Variants in RUSF1 observed in about 807,000 individuals in gnomAD.
RUSF1 encodes the protein RUS family member 1.
A neutral mutation model predicts 63.0 loss-of-function variants in RUSF1; 58 were observed. The ratio of observed to expected loss-of-function variants is 0.92; its 90% CI spans 0.75 to 1.15. RUSF1 has a LOEUF of 1.15. Among genes scored for constraint, RUSF1 ranks in the 50% most tolerant of loss-of-function variants. RUSF1 has a pLI of 0.00. For synonymous variants in RUSF1, 274 were observed against 255.8 expected (o/e 1.07, Z -0.68); for missense variants, 652 against 611.0 (o/e 1.07, Z -0.71).
At position 31,496,870 on chromosome 16, in the gene RUSF1, C is replaced by T. The variant is rs1372438368; in HGVS notation, c.681G>A (p.Val227=). ...TCACCTGGCTGCTGTCCTTGGCTGA[C>T]ACGTCAGCCATGTTGTTCCTCCGAG... ...HQARRNNMAD[V]SAKDSSQETL... is the part of the protein sequence containing the mutation. Residue 227 remains valine (V), a synonymous_variant, in exon 6 of 13, where the codon GTG becomes GTA. Transcript: ENST00000327237. The T allele has an allele frequency of 2.5e-6, 4 of 1,603,086 alleles. No homozygotes were observed. Among genetic ancestry groups the T allele is most frequent in the Non-Finnish European group, 2.6e-6 (3 of 1,175,392 alleles).
At chr16:31,504,748 AG>A (rs1345479131) in intron 2 of RUSF1, among the ~76,000 whole-genome samples, 1 of 152,244 alleles carries the variant, frequency 6.6e-6, no homozygotes, top group African/African-American at 2.4e-5. Context: ...GTAGAAGAGG[AG>A]GACATAAGAA....
Position 31,490,481 on chromosome 16 carries a change from C to G in RUSF1, c.*354G>C, listed in dbSNP as rs774392134. ...CGAGCTGGGCCCGTGTGGTCAACCT[C>G]AATGCCCTGCTCATGATGGCAGTGG... On this transcript the variant is annotated 3_prime_UTR_variant, in exon 13 of 13. Coordinates refer to ENST00000327237, the MANE Select transcript of RUSF1 (RefSeq NM_022744.4). 6.2e-7 allele frequency: 1 copy of G among 1,614,022 alleles called. No individual in the cohort carries two copies. Among genetic ancestry groups the G allele is most frequent in the Admixed American group, 1.7e-5 (1 of 60,006 alleles).
At position 31,499,291 on chromosome 16, in the gene RUSF1, C is replaced by T. The variant is rs368722802; in HGVS notation, c.600+11G>A. The T allele has an allele frequency of 7.5e-6, 12 of 1,609,518 alleles. No individual in the cohort carries two copies. The African/African-American group carries it at 1.3e-4, about 18-fold the overall frequency. On this transcript the variant is annotated intron_variant, in intron 5 of 12. Transcript: ENST00000327237. The stretch of plus-strand genomic sequence containing the variant: ...TGTTTTAGGCAGATGGGTGCCCCCA[C>T]AGGCAGCTACCTTGGCTAGGTTGCT...
At chr16:31,502,833 T>C (rs1274811575) in intron 2 of RUSF1, among the ~76,000 whole-genome samples, 1 of 152,278 alleles carries the variant, frequency 6.6e-6, no homozygotes, top group East Asian at 1.9e-4. Context: ...TTTCACCATG[T>C]TGGCCAGGCC....
In RUSF1 at chr16:31,495,925, TG is replaced by T. The variant is rs368069029; in HGVS notation, c.702+923del. Among the ~76,000 whole-genome samples, 297 of 152,282 alleles carry T rather than the reference TG, an allele frequency of 2.0e-3. 1 individual carries two copies. The highest frequency in any genetic ancestry group is 7.0e-3 in the African/African-American group (289 of 41,548). On this transcript the variant is annotated intron_variant, in intron 6 of 12. Transcript: ENST00000327237. ...GGGTTAAGATTATTGAGCCAAACAA[TG>T]GAAGAGAAGGCCAGAAAGTAGGAAT...
intron 2 of RUSF1, among the ~76,000 whole-genome samples, chr16:31,506,877 C>T (rs1596632687): frequency 6.6e-6 from 1 of 152,120 alleles, no homozygotes; most frequent in African/African-American, 2.4e-5. Flanking sequence ...GCGTGAGCCA[C>T]CGTGCCCGGC....
chr16:31,493,445 C>T (rs139207361), intron 9 of RUSF1, 22 bp downstream of exon 9: 322 of 1,581,786 alleles, frequency 2.0e-4, no homozygotes, highest in Non-Finnish European at 2.5e-4. Context: ...TGGTGACGAG[C>T]GGGAGACGCT....
chr16:31,499,666 C>T (rs748264603), intron 3 of RUSF1, 141 bp from the exon 4 acceptor site: 8 of 736,564 alleles, frequency 1.1e-5, no homozygotes, highest in Admixed American at 3.0e-5. Context: ...TCCCCACAGC[C>T]GGTCACTGCT....
intron 12 of RUSF1, 93 bp downstream of exon 12, chr16:31,491,916 T>C (rs2082571266): frequency 7.4e-7 from 1 of 1,354,436 alleles, no homozygotes. Flanking sequence ...CCAAGTCTTT[T>C]ACCTTTCAGG....
Position 31,493,731 on chromosome 16 carries a change from C to A in RUSF1, c.830G>T (p.Arg277Leu). Residue 277 changes from arginine to leucine, a missense_variant, in exon 8 of 13, where the codon CGC (arginine) becomes CTC (leucine). By Grantham distance (102) the Arg-to-Leu change is moderately radical. Transcript: ENST00000327237. ...CTCCATGACCAGGGCTCGGACCGCG[C>A]GGTAGTTGGCGTAGATGTGGAGGGC... Reference protein sequence around the residue: ...LTALHIYANYRAVRALVMETL... With the variant: ...LTALHIYANYLAVRALVMETL... The A allele has an allele frequency of 3.1e-6, 5 of 1,614,182 alleles. No homozygotes were observed. In the South Asian group the frequency reaches 4.4e-5, roughly 14 times the overall value.
chr16:31,492,299 T>C lies in RUSF1; in HGVS notation c.1129A>G (p.Thr377Ala). 1 of 1,603,486 alleles carries C rather than the reference T, an allele frequency of 6.2e-7. No individual in the cohort carries two copies. Among genetic ancestry groups the C allele is most frequent in the South Asian group, 1.1e-5 (1 of 89,912 alleles). Residue 377 changes from threonine to alanine, a missense_variant, in exon 11 of 13, where the codon ACC becomes GCC. Physicochemically the swap from Thr to Ala is moderately conservative, Grantham distance 58. Transcript: ENST00000327237. ...CCATGTGTGGCGGCCCTTAGGATGGTCTTGGGGCCTGCCTTCTGGTTCAGA... is the reference window on the plus strand; with the variant it reads ...CCATGTGTGGCGGCCCTTAGGATGGCCTTGGGGCCTGCCTTCTGGTTCAGA... Reference protein sequence around the residue: ...VVLNQKAGPKTILRAATHGLM... With the variant: ...VVLNQKAGPKAILRAATHGLM...
intron 2 of RUSF1, among the ~76,000 whole-genome samples, chr16:31,506,265 A>G (rs1567400140): frequency 6.6e-6 from 1 of 152,260 alleles, no homozygotes; most frequent in African/African-American, 2.4e-5. Flanking sequence ...TATAAAGTAT[A>G]TATGAAACAT....
Position 31,492,360 on chromosome 16 carries a change from G to T in RUSF1, c.1088-20C>A. On this transcript the variant is annotated intron_variant, in intron 10 of 12. Transcript: ENST00000327237. ...CCTGGTCTGGAGGGACCCAGAGACAGACTGGTATCAGGGAAGGGCCACCTC... is the reference window on the plus strand; with the variant it reads ...CCTGGTCTGGAGGGACCCAGAGACATACTGGTATCAGGGAAGGGCCACCTC... 1 of 1,524,404 alleles carries T rather than the reference G, an allele frequency of 6.6e-7. No individual in the cohort carries two copies. The allele number at this position is 1,524,404 out of a possible 1,614,324, so 94.4% of individuals were successfully genotyped here.
In RUSF1 at chr16:31,492,238, A is replaced by G. The variant is rs757279712; in HGVS notation, c.1190T>C (p.Leu397Pro). 3.1e-6 allele frequency: 5 copies of G among 1,613,220 alleles called. No individual in the cohort carries two copies. The South Asian group carries it at 5.5e-5, about 18-fold the overall frequency. The change falls in exon 11 of 13, where the codon CTT becomes CCT. Residue 397 changes from leucine (L) to proline (P), a missense_variant. By Grantham distance (98) the Leu-to-Pro change is moderately conservative. Transcript: ENST00000327237. Reference protein sequence around the residue: ...MLGALQGDGPLPAELEELRNR... With the variant: ...MLGALQGDGPPPAELEELRNR... ...CCTCAGCTCCTCCAGCTCTGCTGGAAGGGGTCCATCTCCCTGCAGGGCCCC... is the reference window on the plus strand; with the variant it reads ...CCTCAGCTCCTCCAGCTCTGCTGGAGGGGGTCCATCTCCCTGCAGGGCCCC...
intron 6 of RUSF1, 24 bp downstream of exon 6, chr16:31,496,825 C>T (rs1351982940): frequency 6.5e-7 from 1 of 1,540,146 alleles, no homozygotes; most frequent in South Asian, 1.2e-5. Flanking sequence ...CACTCCACGC[C>T]CTCCCTCCAG....
In RUSF1 at chr16:31,506,492, G is replaced by A. The variant is rs947716525; in HGVS notation, c.415+1272C>T. ...AGCTCCAAATGCATTCCAAAAATAC[G>A]GCCAACAAGCCGGGCGCAGTGGCTC... On this transcript the variant is annotated intron_variant, in intron 2 of 12. Coordinates refer to ENST00000327237, the MANE Select transcript of RUSF1 (RefSeq NM_022744.4). Among the ~76,000 whole-genome samples, 5 of 152,166 alleles carry A rather than the reference G, an allele frequency of 3.3e-5. No individual in the cohort carries two copies. The South Asian group carries it at 6.2e-4, about 19-fold the overall frequency.
intron 5 of RUSF1, among the ~76,000 whole-genome samples, chr16:31,499,079 G>T (rs1432417415): frequency 1.3e-5 from 2 of 152,192 alleles, no homozygotes; most frequent in Admixed American, 1.3e-4. Context: ...TCAGCTCGGA[G>T]CTCCCTCCCC....
intron 2 of RUSF1, 130 bp from the exon 3 acceptor site, chr16:31,500,861 T>C: frequency 1.1e-6 from 1 of 929,108 alleles, no homozygotes; most frequent in Non-Finnish European, 1.6e-6. Context: ...GTACTAGAAG[T>C]TGTGGATAGT....
intron 10 of RUSF1, among the ~76,000 whole-genome samples, chr16:31,492,543 G>A (rs1280738061): frequency 6.6e-6 from 1 of 152,130 alleles, no homozygotes; most frequent in African/African-American, 2.4e-5. Context: ...CAATTTCCCA[G>A]CCGCTCACTG....
Sources: allele counts gnomAD v4.1 joint callset (sites outside exome capture counted in the v4.1 genomes callset), GRCh38; gene constraint gnomAD v4.1.1; transcripts MANE v1.5; gene names NCBI Gene and HGNC (gene_info 2026-07-23, HGNC 2026-07-21).